ALG13: variants seen among roughly 807,000 people sequenced by gnomAD.
ALG13 encodes the protein ALG13 UDP-N-acetylglucosaminyltransferase subunit, also known as UDP-N-acetylglucosamine transferase subunit ALG13.
Under a neutral mutation model 87.8 loss-of-function variants are expected in ALG13, and 11 were observed. That is an observed-to-expected ratio of 0.13 (90% CI 0.08 to 0.21). ALG13 has a LOEUF of 0.21. ALG13 is among the 10% of genes least tolerant of loss of function. The pLI, the probability that ALG13 is intolerant of heterozygous loss-of-function variation, is 1.00. For missense variants in ALG13, 756 were observed against 866.1 expected (o/e 0.87, Z 1.60); for synonymous variants, 320 against 306.3 (o/e 1.04, Z -0.47).
chrX:111,744,522 A>G, intron 23 of ALG13, 146 bp from the exon 24 acceptor site: 1 of 578,093 alleles, frequency 1.7e-6, no homozygotes, highest in Admixed American at 3.1e-5. Context: ...GAATGTAGAC[A>G]ATTCACTGTC....
Position 111,727,019 on chromosome X carries a change from C to G in ALG13, c.1940C>G (p.Pro647Arg). Residue 647 changes from proline to arginine, a missense_variant, in exon 16 of 27, where the codon CCA (proline) becomes CGA (arginine). Pro to Arg is a moderately radical substitution (Grantham distance 103, BLOSUM62 -2). Around this residue, in one of 9 missense-constraint regions of ALG13, gnomAD observed 362 missense variants for 383.5 expected, o/e 0.94. Transcript: ENST00000394780. ...AATGAACATTTTCATCCTCAGCATC[C>G]ATCTCCGAGACAAGGTCGGGGATAT... ...MSNEHFHPQH[P>R]SPRQGRGYGM... 1 of 1,211,059 alleles carries G rather than the reference C, an allele frequency of 8.3e-7. No homozygotes were observed. Among genetic ancestry groups the G allele is most frequent in the Admixed American group, 2.2e-5 (1 of 46,043 alleles).
intron 24 of ALG13, 84 bp from the exon 25 acceptor site, chrX:111,752,706 G>C: frequency 1.4e-6 from 1 of 694,477 alleles, no homozygotes; most frequent in Non-Finnish European, 2.2e-6. Flanking sequence ...ATGAGCCACC[G>C]TGCCCAGCCA....
chrX:111,740,333 T>C (rs992280927), intron 23 of ALG13, among the ~76,000 whole-genome samples: 6 of 110,993 alleles, frequency 5.4e-5, no homozygotes, highest in African/African-American at 2.0e-4. Flanking sequence ...GGATTCTTAG[T>C]GTGGAAAAAA....
At chrX:111,727,185 T>G in intron 16 of ALG13, 130 bp downstream of exon 16, 1 of 914,630 alleles carries the variant, frequency 1.1e-6, no homozygotes, top group East Asian at 3.2e-5. Context: ...TTAATAATAG[T>G]TAGCCCTAAT....
At position 111,758,444 on chromosome X, in the gene ALG13, A is replaced by G. The variant is rs144096895; in HGVS notation, c.3148+682A>G. Among the ~76,000 whole-genome samples the G allele has an allele frequency of 5.9e-3, 659 of 112,364 alleles. 4 individuals are homozygous for G. The highest frequency in any genetic ancestry group is 0.02 in the African/African-American group (623 of 30,950). ...GATACAATTTTAGCTTTCAAATAAA[A>G]ATTAGAATTTTGGAAAACATGTATC... On this transcript the variant is annotated intron_variant, in intron 26 of 26. Transcript: ENST00000394780.
intron 3 of ALG13, among the ~76,000 whole-genome samples, chrX:111,696,581 C>T (rs1294109341): frequency 2.7e-5 from 3 of 111,613 alleles, no homozygotes; most frequent in African/African-American, 9.8e-5. Context: ...TTGGTTGAAA[C>T]GTGAAGTGTT....
chrX:111,733,196 G>C (rs1332828254), intron 21 of ALG13, among the ~76,000 whole-genome samples: 1 of 111,283 alleles, frequency 9.0e-6, no homozygotes, highest in Non-Finnish European at 1.9e-5. Flanking sequence ...CAATGAATAA[G>C]TTCTTTAGTG....
chrX:111,735,184 C>T, intron 22 of ALG13, 62 bp downstream of exon 22: 1 of 754,922 alleles, frequency 1.3e-6, no homozygotes, highest in Non-Finnish European at 2.0e-6. Context: ...TGAATTTCCT[C>T]TTTTCATTTA....
rs188589829 is a variant in ALG13 at position 111,708,161 on chromosome X, C to T, written c.518C>T (p.Ala173Val). 3 of 1,210,062 alleles carry T rather than the reference C, an allele frequency of 2.5e-6. No homozygotes were observed. In the African/African-American group the frequency reaches 5.2e-5, roughly 21 times the overall value. ...GLLSGYLHKQ[A>V]LVTATHPTCT... ...CTTTCCGGATACCTGCATAAGCAAG[C>T]CCTTGTTACTGCTACCCATCCTACC... The change falls in exon 4 of 27, where the codon GCC (alanine) becomes GTC (valine). Residue 173 changes from alanine to valine, a missense_variant. Coordinates refer to ENST00000394780, the MANE Select transcript of ALG13 (RefSeq NM_001099922.3).
intron 3 of ALG13, chrX:111,686,042 A>G (rs1934848061): frequency 2.0e-6 from 1 of 507,401 alleles, no homozygotes; most frequent in Non-Finnish European, 2.9e-6. Context: ...AAATTATGGT[A>G]AGGAGTATTA....
rs748499738 is a variant in ALG13 at position 111,719,485 on chromosome X, T to C, written c.1251-610T>C. Reference sequence around the variant, plus strand: ...GGTGTATTAGTTATGTTTTGCTGTGTAGCAATGTTACTACAAACTTGCCAG... The same window carrying C: ...GGTGTATTAGTTATGTTTTGCTGTGCAGCAATGTTACTACAAACTTGCCAG... On this transcript the variant is annotated intron_variant, in intron 10 of 26. Coordinates refer to ENST00000394780, the MANE Select transcript of ALG13 (RefSeq NM_001099922.3). 7.1e-5 allele frequency among the ~76,000 whole-genome samples: 8 copies of C among 112,571 alleles called. No homozygotes were observed. In the South Asian group the frequency reaches 2.6e-3, roughly 36 times the overall value.
intron 13 of ALG13, among the ~76,000 whole-genome samples, chrX:111,723,210 G>T (rs1941600476): frequency 1.9e-5 from 2 of 107,769 alleles, no homozygotes; most frequent in South Asian, 8.2e-4. Flanking sequence ...CTGGAGTGCA[G>T]TGGCATGATC....
intron 23 of ALG13, among the ~76,000 whole-genome samples, chrX:111,741,372 C>T (rs1437695184): frequency 1.8e-5 from 2 of 111,749 alleles, no homozygotes; most frequent in East Asian, 5.6e-4. Context: ...TCTGAAAAGA[C>T]CCCAAGGAAG....
At chrX:111,736,633 A>T in intron 22 of ALG13, 81 bp from the exon 23 acceptor site, 1 of 939,362 alleles carries the variant, frequency 1.1e-6, no homozygotes, top group Non-Finnish European at 1.5e-6. Context: ...ACTAATTACT[A>T]TTTTCTGAAG....
At chrX:111,733,125 A>C (rs1238947491) in intron 21 of ALG13, among the ~76,000 whole-genome samples, 1 of 111,176 alleles carries the variant, frequency 9.0e-6, no homozygotes, top group African/African-American at 3.3e-5. Flanking sequence ...TTAAAAAAAA[A>C]CTCTTTGTCT....
intron 13 of ALG13, 51 bp from the exon 14 acceptor site, chrX:111,723,747 C>T: frequency 1.3e-6 from 1 of 782,981 alleles, no homozygotes; most frequent in Non-Finnish European, 1.9e-6. Flanking sequence ...TTTTGTTTGG[C>T]ATTAGCTGTA....
chrX:111,684,670 C>T (rs745535800), intron 2 of ALG13, among the ~76,000 whole-genome samples: 2 of 111,701 alleles, frequency 1.8e-5, no homozygotes, highest in African/African-American at 6.5e-5. Context: ...AAGGCTATAC[C>T]CCATCGTAAG....
At chrX:111,735,275 A>C (rs1943125941) in intron 22 of ALG13, among the ~76,000 whole-genome samples, 153 bp downstream of exon 22, 1 of 112,069 alleles carries the variant, frequency 8.9e-6, no homozygotes. Flanking sequence ...GTGATTAGTA[A>C]ATTAATTCAA....
intron 23 of ALG13, among the ~76,000 whole-genome samples, chrX:111,742,139 A>G (rs1569521657): frequency 8.9e-6 from 1 of 111,801 alleles, no homozygotes; most frequent in Non-Finnish European, 1.9e-5. Flanking sequence ...TCAACTATAG[A>G]TCTTCTTTAC....
Sources: gnomAD v4.1 joint callset for allele counts (sites outside exome capture counted in the v4.1 genomes callset) on GRCh38, gnomAD v4.1.1 for gene constraint, gnomAD v4.1.1 regional missense constraint, MANE v1.5 for transcripts, NCBI Gene and HGNC (gene_info 2026-07-23, HGNC 2026-07-21) for gene names.